The following PCDHA2 variants were observed in gnomAD, a reference collection of about 807,000 sequenced individuals.
PCDHA2 encodes protocadherin alpha 2.
A neutral mutation model predicts 66.0 loss-of-function variants in PCDHA2; 58 were observed. The ratio of observed to expected loss-of-function variants is 0.88; its 90% CI spans 0.71 to 1.09. The LOEUF is 1.09. Ranked by LOEUF, PCDHA2 falls within the 50% of genes least tolerant of loss-of-function variation. PCDHA2 has a pLI of 0.00. For missense variants in PCDHA2, 1,267 were observed against 1,242.3 expected (o/e 1.02, Z -0.30); for synonymous variants, 634 against 554.0 (o/e 1.14, Z -2.03).
intron 1 of PCDHA2, chr5:140,930,248 C>T (rs2086692121): frequency 1.3e-5 from 2 of 152,178 alleles, no homozygotes; most frequent in South Asian, 4.1e-4. Flanking sequence ...GTCCATTCAA[C>T]TTGGATTTAA....
intron 1 of PCDHA2, chr5:140,882,791 A>G (rs1554175610): frequency 6.2e-7 from 1 of 1,614,254 alleles, no homozygotes; most frequent in South Asian, 1.1e-5. Context: ...ACTGGATCCC[A>G]ACGATTATTT....
At chr5:140,877,277 G>A in intron 1 of PCDHA2, 1 of 1,613,830 alleles carries the variant, frequency 6.2e-7, no homozygotes, top group South Asian at 1.1e-5. Context: ...GCTGACTCCG[G>A]CTATAACGCT....
intron 1 of PCDHA2, chr5:140,871,241 C>G (rs782602807): frequency 3.7e-6 from 6 of 1,613,972 alleles, no homozygotes; most frequent in Non-Finnish European, 5.1e-6. Flanking sequence ...CTGGTACTCA[C>G]GCTGCTGCTG....
At chr5:140,827,791 G>T (rs1769410583) in intron 1 of PCDHA2, among the ~76,000 whole-genome samples, 1 of 152,224 alleles carries the variant, frequency 6.6e-6, no homozygotes, top group Non-Finnish European at 1.5e-5. Flanking sequence ...CACTGACCGT[G>T]CAAATTACAA....
chr5:140,967,204 G>C, intron 1 of PCDHA2: 10 of 1,613,634 alleles, frequency 6.2e-6, no homozygotes, highest in Non-Finnish European at 8.5e-6. Context: ...ACAACTCACC[G>C]CGTTTCCCGC....
intron 1 of PCDHA2, chr5:140,804,923 G>A (rs1763479692): frequency 1.0e-6 from 1 of 968,354 alleles, no homozygotes; most frequent in Admixed American, 3.7e-5. Context: ...TTCCTTTTTT[G>A]GCACTATCCT....
At chr5:140,872,850 G>T (rs1439631581) in intron 1 of PCDHA2, among the ~76,000 whole-genome samples, 2 of 152,084 alleles carry the variant, frequency 1.3e-5, no homozygotes, top group African/African-American at 4.8e-5. Context: ...ATATATTAAT[G>T]TGAGTACCTA....
At chr5:140,974,105 A>G (rs1173287678) in intron 1 of PCDHA2, among the ~76,000 whole-genome samples, 1 of 152,246 alleles carries the variant, frequency 6.6e-6, no homozygotes, top group African/African-American at 2.4e-5. Context: ...GGTTAAAAGT[A>G]TTCTTTTGCA....
chr5:140,801,049 C>T (rs1170027374), intron 1 of PCDHA2: 29 of 1,438,438 alleles, frequency 2.0e-5, no homozygotes, highest in Non-Finnish European at 2.5e-5. Flanking sequence ...AAAGAAATAA[C>T]AGCGTGCATT....
intron 1 of PCDHA2, among the ~76,000 whole-genome samples, chr5:140,886,642 A>T (rs1412113366): frequency 6.6e-6 from 1 of 152,048 alleles, no homozygotes; most frequent in African/African-American, 2.4e-5. Flanking sequence ...CCTGGCCAAC[A>T]TGGTGAAACC....
chr5:140,841,394 A>G (rs2150314638), intron 1 of PCDHA2: 1 of 1,613,274 alleles, frequency 6.2e-7, no homozygotes, highest in East Asian at 2.2e-5. Context: ...CGCAGCCTGG[A>G]AGGTGGGGAG....
In PCDHA2 at chr5:140,857,333, G is replaced by A. The variant is rs200210897; in HGVS notation, c.2388+59981G>A. 35 of 1,598,586 alleles carry A rather than the reference G, an allele frequency of 2.2e-5. 1 individual carries two copies. The highest frequency in any genetic ancestry group is 4.4e-5 in the South Asian group (4 of 90,524). On this transcript the variant is annotated intron_variant, in intron 1 of 3. Coordinates refer to ENST00000526136, the MANE Select transcript of PCDHA2 (RefSeq NM_018905.3). ...TGAGCTGGTGGTGACCGCGCGGGAC[G>A]GGGGCTCGCCTCCGCTGTGGGCCAC... is the stretch of plus-strand genomic sequence containing the variant.
At position 140,862,994 on chromosome 5, in the gene PCDHA2, G is replaced by A. The variant is rs199654880; in HGVS notation, c.2388+65642G>A. 324 of 549,002 alleles carry A rather than the reference G, an allele frequency of 5.9e-4. 3 individuals are homozygous for A. The highest frequency in any genetic ancestry group is 1.3e-3 in the South Asian group (92 of 72,564). 34.0% of individuals were successfully genotyped at this position (549,002 alleles called of 1,614,324 possible). On this transcript the variant is annotated intron_variant, in intron 1 of 3. Coordinates refer to ENST00000526136, the MANE Select transcript of PCDHA2 (RefSeq NM_018905.3). ...CCACTTGGTGGCGAAGGTGCGCACGGTGGACTCCAGCTATGACGCCTGGTT... is the reference window on the plus strand; with the variant it reads ...CCACTTGGTGGCGAAGGTGCGCACGATGGACTCCAGCTATGACGCCTGGTT...
intron 1 of PCDHA2, among the ~76,000 whole-genome samples, chr5:140,908,378 C>T (rs951348145): frequency 2.6e-5 from 4 of 152,126 alleles, no homozygotes; most frequent in Admixed American, 6.6e-5. Context: ...AGGACCTGCT[C>T]GAGCCCGATC....
rs574140858 is a variant in PCDHA2 at position 140,929,782 on chromosome 5, A to C, written c.2389-49167A>C. On this transcript the variant is annotated intron_variant, in intron 1 of 3. Coordinates refer to ENST00000526136, the MANE Select transcript of PCDHA2 (RefSeq NM_018905.3). The stretch of plus-strand genomic sequence containing the variant: ...GACGATAACCACAAAAGATGTAAAA[A>C]TAAATTACAATGGGGGTTAAAAGAA... The C allele has an allele frequency of 1.8e-5, 3 of 168,346 alleles. No individual in the cohort carries two copies. The Admixed American group carries it at 1.9e-4, about 11-fold the overall frequency. 10.4% of individuals were successfully genotyped at this position (168,346 alleles called of 1,614,324 possible). A position where few individuals can be genotyped will look rare whatever the true frequency, so the allele number is the denominator to read the frequency against.
chr5:140,883,231 G>A, intron 1 of PCDHA2: 1 of 1,613,930 alleles, frequency 6.2e-7, no homozygotes, highest in Non-Finnish European at 8.5e-7. Context: ...TATCCGTGGA[G>A]GCAGTTGACA....
At chr5:140,834,702 G>C in intron 1 of PCDHA2, 1 of 1,614,258 alleles carries the variant, frequency 6.2e-7, no homozygotes. Context: ...CATCCACCTG[G>C]AGGTGATCGT....
In PCDHA2 at chr5:140,795,664, G is replaced by T. The variant is rs536063756; in HGVS notation, c.700G>T (p.Asp234Tyr). ...CGTTCAAATACTTATTAAGGTATTAGATGTAAATGACAATGAACCAACTTT... is the reference window on the plus strand; with the variant it reads ...CGTTCAAATACTTATTAAGGTATTATATGTAAATGACAATGAACCAACTTT... ...GTVQILIKVLDVNDNEPTFAQ... is the reference protein window; with the variant it reads ...GTVQILIKVLYVNDNEPTFAQ... Residue 234 changes from aspartate (D) to tyrosine (Y), a missense_variant, in exon 1 of 4, where the codon GAT becomes TAT. Transcript: ENST00000526136. 4 of 1,614,126 alleles carry T rather than the reference G, an allele frequency of 2.5e-6. No individual in the cohort carries two copies. The highest frequency in any genetic ancestry group is 3.4e-6 in the Non-Finnish European group (4 of 1,180,010).
intron 1 of PCDHA2, chr5:140,877,503 G>A (rs1056644080): frequency 3.6e-5 from 58 of 1,613,716 alleles, no homozygotes; most frequent in Non-Finnish European, 4.8e-5. Context: ...AGGCCCCAAA[G>A]ACGTCGTCGC....
Sources: allele counts gnomAD v4.1 joint callset (sites outside exome capture counted in the v4.1 genomes callset), GRCh38; gene constraint gnomAD v4.1.1; transcripts MANE v1.5; gene names NCBI Gene and HGNC (gene_info 2026-07-23, HGNC 2026-07-21).